Variants in EYS observed in about 807,000 individuals in gnomAD.
EYS encodes the protein EGF-like photoreceptor maintenance factor.
Under a neutral mutation model 282.1 loss-of-function variants are expected in EYS, and 250 were observed. The ratio of observed to expected loss-of-function variants is 0.89; its 90% confidence interval spans 0.80 to 0.98. The LOEUF is 0.98. Among genes scored for constraint, EYS ranks in the 50% least tolerant of loss-of-function variants. EYS has a pLI of 0.00. For missense variants in EYS, 4,016 were observed against 3,709.0 expected (o/e 1.08, Z -2.15); for synonymous variants, 1,355 against 1,282.9 (o/e 1.06, Z -1.20).
chr6:64,739,237 G>A (rs1214141835), intron 22 of EYS, among the ~76,000 whole-genome samples: 1 of 152,034 alleles, frequency 6.6e-6, no homozygotes, highest in Non-Finnish European at 1.5e-5. Flanking sequence ...TTTTGTTTTT[G>A]AAAACTAAAA....
At chr6:64,680,096 A>T (rs1442469336) in intron 22 of EYS, among the ~76,000 whole-genome samples, 2 of 152,206 alleles carry the variant, frequency 1.3e-5, no homozygotes. Flanking sequence ...AAAAAAACCT[A>T]TTCAATAAAT....
At position 63,738,585 on chromosome 6, in the gene EYS, T is replaced by G. The variant is rs1048189570; in HGVS notation, c.8072-11905A>C. 3.3e-5 allele frequency among the ~76,000 whole-genome samples: 3 copies of G among 90,142 alleles called. No homozygotes were observed. In the Admixed American group the frequency reaches 4.9e-4, roughly 15 times the overall value. 59.1% of individuals were successfully genotyped at this position (90,142 alleles called of 152,430 possible). ...GGGAACATCACACTCTGGGGACTGT[T>G]GTGGGGTGGGGGGAGGGGGGAGGGA... On this transcript the variant is annotated intron_variant, in intron 41 of 42. Coordinates refer to ENST00000503581, the MANE Select transcript of EYS (RefSeq NM_001142800.2).
chr6:64,391,281 A>C (rs1439275214), intron 28 of EYS, among the ~76,000 whole-genome samples: 64 of 148,784 alleles, frequency 4.3e-4, no homozygotes, highest in Middle Eastern at 3.5e-3. Flanking sequence ...AGAACGCCAC[A>C]AAGATACTCC....
chr6:63,979,362 T>C (rs1766988469), intron 35 of EYS, among the ~76,000 whole-genome samples: 1 of 151,918 alleles, frequency 6.6e-6, no homozygotes, highest in African/African-American at 2.4e-5. Flanking sequence ...CACTGGTTAA[T>C]GATGAATAAA....
chr6:64,718,614 T>C (rs796306385), intron 22 of EYS, among the ~76,000 whole-genome samples: 18 of 152,344 alleles, frequency 1.2e-4, no homozygotes, highest in African/African-American at 3.8e-4. Flanking sequence ...TGATTTTGCA[T>C]AGCACAGTAC....
At chr6:65,253,109 A>G (rs1027042482) in intron 12 of EYS, among the ~76,000 whole-genome samples, 3 of 152,008 alleles carry the variant, frequency 2.0e-5, no homozygotes, top group African/African-American at 7.2e-5. Flanking sequence ...TAGATTCAAT[A>G]AATACAGTGA....
At position 65,495,512 on chromosome 6, in the gene EYS, C is replaced by A; in HGVS notation, c.-102G>T. The A allele has an allele frequency of 7.7e-7, 1 of 1,306,642 alleles. No individual in the cohort carries two copies. Among genetic ancestry groups the A allele is most frequent in the Non-Finnish European group, 1.1e-6 (1 of 933,618 alleles). 80.9% of individuals were successfully genotyped at this position (1,306,642 alleles called of 1,614,324 possible). On this transcript the variant is annotated 5_prime_UTR_variant, in exon 4 of 43. The change creates a new upstream start codon in the 5' untranslated region. Transcript: ENST00000503581. ...CAAGTAAAGTTGTGGTTAAGGATTCCTGGGAATTGGAATTGACCTTTTTTC... is the reference window on the plus strand; with the variant it reads ...CAAGTAAAGTTGTGGTTAAGGATTCATGGGAATTGGAATTGACCTTTTTTC...
At chr6:64,935,258 G>A (rs1017588165) in intron 15 of EYS, among the ~76,000 whole-genome samples, 1 of 151,632 alleles carries the variant, frequency 6.6e-6, no homozygotes, top group Non-Finnish European at 1.5e-5. Flanking sequence ...AAGACATATA[G>A]AAAACAAATG....
intron 36 of EYS, among the ~76,000 whole-genome samples, chr6:63,855,154 GA>G (rs1165709035): frequency 8.5e-5 from 13 of 152,344 alleles, no homozygotes; most frequent in Non-Finnish European, 1.6e-4. Flanking sequence ...AAGGGCAATA[GA>G]GTACTGTGTA....
intron 28 of EYS, among the ~76,000 whole-genome samples, chr6:64,394,454 T>C (rs374941508): frequency 6.6e-6 from 1 of 152,202 alleles, no homozygotes; most frequent in African/African-American, 2.4e-5. Context: ...TGGAACAGAA[T>C]AGAGCCCTCC....
At chr6:65,477,504 G>C (rs1765454621) in intron 5 of EYS, among the ~76,000 whole-genome samples, 1 of 152,140 alleles carries the variant, frequency 6.6e-6, no homozygotes, top group African/African-American at 2.4e-5. Context: ...TGACAAATTA[G>C]AAGTGGAAAA....
chr6:64,706,662 A>G (rs934094405), intron 22 of EYS, among the ~76,000 whole-genome samples: 5 of 152,210 alleles, frequency 3.3e-5, no homozygotes, highest in African/African-American at 1.2e-4. Flanking sequence ...GGACACGAAT[A>G]GACAATTCTC....
intron 2 of EYS, among the ~76,000 whole-genome samples, chr6:65,544,001 A>AGTGTGTGTGTGTGT (rs751872447): frequency 0.063 from 9,166 of 144,442 alleles, 312 homozygotes; most frequent in Non-Finnish European, 0.085. Flanking sequence ...AAAAAGAGAA[A>AGTGTGTGTGTGTGT]GTGTGTGTGT....
chr6:65,224,603 T>C (rs1766569368), intron 12 of EYS, among the ~76,000 whole-genome samples: 2 of 146,482 alleles, frequency 1.4e-5, no homozygotes, highest in South Asian at 2.3e-4. Flanking sequence ...ATAGAGAGAA[T>C]CAACAAAACT....
intron 13 of EYS, among the ~76,000 whole-genome samples, chr6:65,038,845 A>G (rs1772846076): frequency 6.6e-6 from 1 of 151,232 alleles, no homozygotes; most frequent in African/African-American, 2.4e-5. Flanking sequence ...TTATCTTTCA[A>G]TGAAAATATT....
At chr6:64,436,115 T>G in intron 28 of EYS, 59 bp downstream of exon 28, 1 of 997,930 alleles carries the variant, frequency 1.0e-6, no homozygotes, top group Non-Finnish European at 1.5e-6. Context: ...AGTACAATAT[T>G]GTTAGGGATA....
chr6:64,591,285 C>A lies in EYS; in HGVS notation c.4582G>T (p.Ala1528Ser). ...TKAFNPSEYQ[A>S]ITEASSNQRL... is the part of the protein sequence containing the mutation. Reference sequence around the variant, plus strand: ...TGGTTGCTTGAAGCCTCAGTAATAGCCTGATATTCACTGGGATTGAAGGCT... The same window carrying A: ...TGGTTGCTTGAAGCCTCAGTAATAGACTGATATTCACTGGGATTGAAGGCT... Residue 1528 changes from alanine to serine, a missense_variant, in exon 26 of 43, where the codon GCT becomes TCT. Ala to Ser is a moderately conservative substitution (Grantham distance 99). Coordinates refer to ENST00000503581, the MANE Select transcript of EYS (RefSeq NM_001142800.2). 6.4e-7 allele frequency: 1 copy of A among 1,551,262 alleles called. No individual in the cohort carries two copies. Among genetic ancestry groups the A allele is most frequent in the Middle Eastern group, 1.7e-4 (1 of 5,990 alleles).
At chr6:64,809,487 A>G (rs1383961172) in intron 22 of EYS, among the ~76,000 whole-genome samples, 4 of 152,108 alleles carry the variant, frequency 2.6e-5, no homozygotes, top group Non-Finnish European at 4.4e-5. Flanking sequence ...ACAAAAATAT[A>G]AAAACTGAAA....
At chr6:65,472,701 A>C (rs1765259205) in intron 5 of EYS, among the ~76,000 whole-genome samples, 1 of 151,916 alleles carries the variant, frequency 6.6e-6, no homozygotes, top group Non-Finnish European at 1.5e-5. Context: ...CAAACACTAA[A>C]CTACGTATAT....
Sources: gnomAD v4.1 joint callset for allele counts (sites outside exome capture counted in the v4.1 genomes callset) on GRCh38, gnomAD v4.1.1 for gene constraint, MANE v1.5 for transcripts, NCBI Gene and HGNC (gene_info 2026-07-23, HGNC 2026-07-21) for gene names.